The following PRDM16 variants were observed in gnomAD, a reference collection of about 807,000 sequenced individuals.
PRDM16 encodes the protein histone-lysine N-methyltransferase PRDM16.
PRDM16 carries 23 observed loss-of-function variants against 110.6 expected under a neutral mutation model. The observed-to-expected ratio is 0.21, with a 90% CI of 0.15 to 0.29. PRDM16 has a LOEUF of 0.29. Ranked by LOEUF, PRDM16 falls within the 10% of genes least tolerant of loss-of-function variation. The probability of loss-of-function intolerance (pLI) is 1.00; values close to 1 mark genes in which losing one functional copy is unlikely to be tolerated. For synonymous variants in PRDM16, 799 were observed against 781.8 expected (o/e 1.02, Z -0.37); for missense variants, 1,615 against 1,794.3 (o/e 0.90, Z 1.81).
At chr1:3,098,340 C>A (rs1022319305) in intron 1 of PRDM16, among the ~76,000 whole-genome samples, 1 of 152,288 alleles carries the variant, frequency 6.6e-6, no homozygotes, top group South Asian at 2.1e-4. Context: ...AACTCTTGGG[C>A]GAGGTCACCC....
intron 10 of PRDM16, among the ~76,000 whole-genome samples, chr1:3,417,538 G>A (rs1040831087): frequency 2.6e-5 from 4 of 152,300 alleles, no homozygotes; most frequent in South Asian, 4.1e-4. Flanking sequence ...CTCAGGTCCC[G>A]CCCAAACCGG....
In PRDM16 at chr1:3,431,110, TG is replaced by T. The variant is rs1203983506; in HGVS notation, c.3521+7del. On this transcript the variant is annotated splice_donor_region_variant and intron_variant, in intron 15 of 16. Coordinates refer to ENST00000270722, the MANE Select transcript of PRDM16 (RefSeq NM_022114.4). ...CGTGGGCTTTGACCACACCCGAAGG[TG>T]GGGGCAGCCGTGTGCTCCAGGATGG... The T allele has an allele frequency of 6.5e-7, 1 of 1,549,458 alleles. No individual in the cohort carries two copies. Among genetic ancestry groups the T allele is most frequent in the Admixed American group, 2.0e-5 (1 of 51,082 alleles).
intron 3 of PRDM16, among the ~76,000 whole-genome samples, chr1:3,297,641 G>A (rs1286372239): frequency 6.6e-6 from 1 of 152,152 alleles, no homozygotes; most frequent in East Asian, 1.9e-4. Context: ...TAGGGAGCTG[G>A]TGGTGGCAGA....
intron 3 of PRDM16, among the ~76,000 whole-genome samples, chr1:3,285,899 A>G (rs1640833832): frequency 6.6e-6 from 1 of 152,248 alleles, no homozygotes; most frequent in African/African-American, 2.4e-5. Context: ...GAGCCCAATC[A>G]AAGATCCAGG....
intron 1 of PRDM16, among the ~76,000 whole-genome samples, chr1:3,135,331 C>G (rs1030022734): frequency 6.6e-6 from 1 of 152,180 alleles, no homozygotes; most frequent in South Asian, 2.1e-4. Flanking sequence ...GGCCCTTCAT[C>G]GTACCCAGCT....
intron 3 of PRDM16, among the ~76,000 whole-genome samples, chr1:3,357,815 G>A (rs1642638786): frequency 6.6e-6 from 1 of 152,220 alleles, no homozygotes; most frequent in Admixed American, 6.5e-5. Flanking sequence ...GCTGGCATCT[G>A]GTAGCTGGCA....
chr1:3,289,066 A>G (rs568920244), intron 3 of PRDM16, among the ~76,000 whole-genome samples: 1 of 152,348 alleles, frequency 6.6e-6, no homozygotes, highest in Admixed American at 6.5e-5. Flanking sequence ...CAAGCCCTGC[A>G]GAGGAGGAGG....
chr1:3,168,486 G>T (rs1643987431), intron 1 of PRDM16, among the ~76,000 whole-genome samples: 2 of 150,708 alleles, frequency 1.3e-5, no homozygotes. Flanking sequence ...TTGTAAATTA[G>T]TTGCTAATGA....
At chr1:3,221,714 C>T (rs796747298) in intron 2 of PRDM16, among the ~76,000 whole-genome samples, 8 of 152,346 alleles carry the variant, frequency 5.3e-5, no homozygotes, top group African/African-American at 1.7e-4. Context: ...CCCATGTACA[C>T]GCATGCACAC....
chr1:3,431,938 C>A, intron 15 of PRDM16, 28 bp from the exon 16 acceptor site: 16 of 1,602,766 alleles, frequency 1.0e-5, no homozygotes, highest in African/African-American at 1.3e-5. Context: ...TGACAGCAGG[C>A]CTTCCCTCTC....
chr1:3,198,896 TAA>T (rs1208137261), intron 2 of PRDM16, among the ~76,000 whole-genome samples: 1 of 152,212 alleles, frequency 6.6e-6, no homozygotes, highest in African/African-American at 2.4e-5. Context: ...TAGATCTCTC[TAA>T]AGTCCATTCC....
rs1415338378 is a variant in PRDM16 at position 3,080,520 on chromosome 1, C to G, written c.37+11224C>G. Among the ~76,000 whole-genome samples the G allele has an allele frequency of 1.3e-5, 2 of 152,124 alleles. No homozygotes were observed. Among genetic ancestry groups the G allele is most frequent in the Admixed American group, 1.3e-4 (2 of 15,284 alleles). ...CTATCAGAGACAGATCGATTTTTCC[C>G]TGGAAGTGATTTGGCATGACTTTAA... On this transcript the variant is annotated intron_variant, in intron 1 of 16. Transcript: ENST00000270722. The surrounding 1 kb of genome is among the most constrained non-coding windows in gnomAD (Gnocchi z 5.2).
At chr1:3,113,306 C>T (rs1642836680) in intron 1 of PRDM16, among the ~76,000 whole-genome samples, 1 of 152,164 alleles carries the variant, frequency 6.6e-6, no homozygotes, top group African/African-American at 2.4e-5. Flanking sequence ...AGGACAGGGG[C>T]CCGGAGGAGA....
intron 3 of PRDM16, among the ~76,000 whole-genome samples, chr1:3,348,753 C>G (rs544313613): frequency 6.6e-6 from 1 of 152,208 alleles, no homozygotes; most frequent in East Asian, 1.9e-4. Flanking sequence ...CCTTGGGGAC[C>G]GGGGCCGCAG....
intron 1 of PRDM16, among the ~76,000 whole-genome samples, chr1:3,078,281 G>C (rs1034005587): frequency 1.3e-4 from 20 of 152,196 alleles, no homozygotes; most frequent in African/African-American, 4.8e-4. Flanking sequence ...CCCACCTGGA[G>C]GGAGACAGGG....
At chr1:3,380,237 T>C (rs1643078753) in intron 3 of PRDM16, among the ~76,000 whole-genome samples, 1 of 151,406 alleles carries the variant, frequency 6.6e-6, no homozygotes, top group Non-Finnish European at 1.5e-5. Flanking sequence ...GGAGGAAGGG[T>C]TAGCGCCCAC....
chr1:3,235,925 G>C (rs967259349), intron 2 of PRDM16, among the ~76,000 whole-genome samples: 38 of 152,154 alleles, frequency 2.5e-4, no homozygotes, highest in African/African-American at 8.2e-4. Context: ...TGTGGTGGAG[G>C]AGCTGCGTCT....
intron 1 of PRDM16, among the ~76,000 whole-genome samples, chr1:3,145,781 C>G (rs948121422): frequency 2.6e-5 from 4 of 152,212 alleles, no homozygotes; most frequent in African/African-American, 9.6e-5. Context: ...CACCGAGGCT[C>G]CCGATAACCT....
rs762294916 is a variant in PRDM16, at chr1:3,244,065, C to G, written c.388-22C>G. The G allele has an allele frequency of 1.2e-6, 2 of 1,613,030 alleles. No homozygotes were observed. Among genetic ancestry groups the G allele is most frequent in the Non-Finnish European group, 1.7e-6 (2 of 1,179,114 alleles). On this transcript the variant is annotated intron_variant, in intron 2 of 16. Transcript: ENST00000270722. The surrounding 1 kb of genome is among the most constrained non-coding windows in gnomAD (Gnocchi z 4.1). Reference sequence around the variant, plus strand: ...GAATGTTTTATCAGAAACTAACAACCCCTCTCAAAATTGTTTTGCAGCAAA... The same window carrying G: ...GAATGTTTTATCAGAAACTAACAACGCCTCTCAAAATTGTTTTGCAGCAAA...
Sources: allele counts gnomAD v4.1 joint callset (sites outside exome capture counted in the v4.1 genomes callset), GRCh38; gene constraint gnomAD v4.1.1; non-coding constraint Gnocchi (gnomAD v3.1); transcripts MANE v1.5; gene names NCBI Gene and HGNC (gene_info 2026-07-23, HGNC 2026-07-21).